Variants in SNX24 observed in about 807,000 individuals in gnomAD.
SNX24 encodes sorting nexin 24, also known as sorting nexin-24.
In SNX24, 22 loss-of-function variants were observed where a neutral mutation model predicts 28.7. The ratio of observed to expected loss-of-function variants is 0.77; its 90% CI spans 0.55 to 1.10. The LOEUF is 1.10. Ranked by LOEUF, SNX24 falls within the 50% of genes least tolerant of loss-of-function variation. SNX24 has a pLI of 0.00. For synonymous variants in SNX24, 69 were observed against 71.5 expected, an observed-to-expected ratio of 0.96 and a Z score of 0.18; for missense variants, 221 against 201.1, an observed-to-expected ratio of 1.10 and a Z score of -0.60.
In SNX24 at chr5:122,960,555, C is replaced by A. The variant is rs1760445236; in HGVS notation, c.249+14396C>A. On this transcript the variant is annotated intron_variant, in intron 3 of 6. Coordinates refer to ENST00000261369, the MANE Select transcript of SNX24 (RefSeq NM_014035.4). ...TTTAAGTACATATTTTCACCTTTTTCTCCTTTCTTTAAATAGTGCTAGCAG... is the reference window on the plus strand; with the variant it reads ...TTTAAGTACATATTTTCACCTTTTTATCCTTTCTTTAAATAGTGCTAGCAG... 4.6e-5 allele frequency among the ~76,000 whole-genome samples: 7 copies of A among 151,888 alleles called. No individual in the cohort carries two copies. In the South Asian group the frequency reaches 1.5e-3, roughly 32 times the overall value.
In SNX24 at chr5:122,913,336, C is replaced by T. The variant is rs1175178238; in HGVS notation, c.61-23398C>T. On this transcript the variant is annotated intron_variant, in intron 1 of 6. Coordinates refer to ENST00000261369, the MANE Select transcript of SNX24 (RefSeq NM_014035.4). ...CTCCCTCCCAGACGGGGCGGCTGGC[C>T]GGGCGGGGGCTGACCCCCCACCTCC... Among the ~76,000 whole-genome samples the T allele has an allele frequency of 1.0e-3, 153 of 149,272 alleles. 1 individual carries two copies. The highest frequency in any genetic ancestry group is 3.5e-3 in the African/African-American group (142 of 40,254).
intron 1 of SNX24, among the ~76,000 whole-genome samples, chr5:122,876,518 A>G (rs1756230335): frequency 6.6e-6 from 1 of 152,244 alleles, no homozygotes; most frequent in Non-Finnish European, 1.5e-5. Flanking sequence ...CATTGAAGCA[A>G]AGCGTTTATG....
intron 5 of SNX24, among the ~76,000 whole-genome samples, chr5:123,019,148 T>C (rs1031758876): frequency 6.6e-6 from 1 of 152,226 alleles, no homozygotes; most frequent in Admixed American, 6.5e-5. Flanking sequence ...GAGGCACTTA[T>C]GTTATATCAC....
intron 1 of SNX24, among the ~76,000 whole-genome samples, chr5:122,866,255 T>C (rs1755716861): frequency 6.6e-6 from 1 of 152,170 alleles, no homozygotes; most frequent in African/African-American, 2.4e-5. Flanking sequence ...GTTCAAGCAG[T>C]TCTCCTGCCT....
intron 3 of SNX24, among the ~76,000 whole-genome samples, chr5:122,959,222 TTG>T (rs1760364134): frequency 6.6e-6 from 1 of 151,968 alleles, no homozygotes; most frequent in Non-Finnish European, 1.5e-5. Flanking sequence ...TTGGTATATT[TTG>T]TGTTTCTTTC....
chr5:122,993,491 G>A (rs184108999), intron 3 of SNX24, among the ~76,000 whole-genome samples: 9 of 152,098 alleles, frequency 5.9e-5, no homozygotes, highest in Non-Finnish European at 1.0e-4. Context: ...TAATAGATAC[G>A]GGGTTTCACT....
intron 1 of SNX24, among the ~76,000 whole-genome samples, chr5:122,848,347 T>C (rs2150027720): frequency 6.6e-6 from 1 of 152,022 alleles, no homozygotes; most frequent in East Asian, 2.0e-4. Flanking sequence ...CCTCCCACCT[T>C]GACCTCCCAA....
chr5:122,866,880 T>C (rs1755744143), intron 1 of SNX24, among the ~76,000 whole-genome samples: 1 of 152,202 alleles, frequency 6.6e-6, no homozygotes, highest in South Asian at 2.1e-4. Flanking sequence ...TTGTGTCTCC[T>C]GATGGAAGCA....
rs561881407 is a variant in SNX24 at position 122,984,777 on chromosome 5, A to G, written c.250-15135A>G. Among the ~76,000 whole-genome samples, 3 of 152,240 alleles carry G rather than the reference A, an allele frequency of 2.0e-5. 1 individual carries two copies. The highest frequency in any genetic ancestry group is 2.1e-4 in the South Asian group (1 of 4,836). Reference sequence around the variant, plus strand: ...AATGAAGACGTAGTGGACTGTGTAAAAAAAGTCAGGAAATGTTTGCAATTT... The same window carrying G: ...AATGAAGACGTAGTGGACTGTGTAAGAAAAGTCAGGAAATGTTTGCAATTT... On this transcript the variant is annotated intron_variant, in intron 3 of 6. Transcript: ENST00000261369.
chr5:122,949,925 A>G (rs1016978645), intron 3 of SNX24, among the ~76,000 whole-genome samples: 1 of 152,236 alleles, frequency 6.6e-6, no homozygotes, highest in Admixed American at 6.5e-5. Flanking sequence ...AATTTGAAGT[A>G]TGGCAGTCTA....
At chr5:122,861,523 A>C (rs866186644) in intron 1 of SNX24, among the ~76,000 whole-genome samples, 3 of 151,980 alleles carry the variant, frequency 2.0e-5, no homozygotes, top group South Asian at 2.1e-4. Context: ...TTCATTTGCT[A>C]TTTCATTTGA....
intron 5 of SNX24, 89 bp from the exon 6 acceptor site, chr5:123,001,851 A>T: frequency 9.5e-7 from 1 of 1,055,336 alleles, no homozygotes; most frequent in Non-Finnish European, 1.5e-6. Flanking sequence ...GTCCCCGCAC[A>T]GCAGTTTGAT....
chr5:122,952,432 C>A (rs1008227086), intron 3 of SNX24, among the ~76,000 whole-genome samples: 4 of 152,120 alleles, frequency 2.6e-5, no homozygotes, highest in Non-Finnish European at 5.9e-5. Flanking sequence ...AAGTTAACAA[C>A]CCCCTTCGCA....
intron 1 of SNX24, among the ~76,000 whole-genome samples, chr5:122,921,075 A>G (rs923667600): frequency 6.6e-6 from 1 of 152,084 alleles, no homozygotes; most frequent in African/African-American, 2.4e-5. Context: ...ATATATATAT[A>G]TACATATACG....
chr5:122,934,328 C>T (rs1219090483), intron 1 of SNX24, among the ~76,000 whole-genome samples: 1 of 152,074 alleles, frequency 6.6e-6, no homozygotes, highest in Non-Finnish European at 1.5e-5. Flanking sequence ...ACAAAAATGA[C>T]CTGGCATGGT....
intron 1 of SNX24, among the ~76,000 whole-genome samples, chr5:122,866,575 TTAG>T (rs1361539477): frequency 6.6e-6 from 1 of 152,240 alleles, no homozygotes; most frequent in African/African-American, 2.4e-5. Flanking sequence ...GTCTGGGCTA[TTAG>T]TAGTCCTGCC....
intron 5 of SNX24, chr5:123,028,982 T>A: frequency 1.0e-6 from 1 of 988,326 alleles, no homozygotes; most frequent in Non-Finnish European, 1.5e-6. Flanking sequence ...CCTACAGAAC[T>A]TGATTCTATC....
chr5:122,849,449 G>C (rs1754795927), intron 1 of SNX24, among the ~76,000 whole-genome samples: 1 of 152,158 alleles, frequency 6.6e-6, no homozygotes, highest in Admixed American at 6.5e-5. Context: ...AGTTTGGCCT[G>C]GCAGGGTGGC....
intron 3 of SNX24, among the ~76,000 whole-genome samples, chr5:122,966,943 A>AG (rs1002193138): frequency 6.6e-6 from 1 of 152,232 alleles, no homozygotes; most frequent in Non-Finnish European, 1.5e-5. Context: ...CAGGAATTCA[A>AG]GGAGTCTGGA....
Sources: allele counts gnomAD v4.1 joint callset (sites outside exome capture counted in the v4.1 genomes callset), GRCh38; gene constraint gnomAD v4.1.1; transcripts MANE v1.5; gene names NCBI Gene and HGNC (gene_info 2026-07-23, HGNC 2026-07-21).